The following TRPM3 variants were observed in gnomAD, a reference collection of about 807,000 sequenced individuals.
TRPM3 encodes the protein long transient receptor potential channel 3.
A neutral mutation model predicts 181.2 loss-of-function variants in TRPM3; 77 were observed. The observed-to-expected ratio is 0.42, with a 90% CI of 0.35 to 0.51. The LOEUF (loss-of-function observed/expected upper bound fraction) is 0.51. Among genes scored for constraint, TRPM3 ranks in the 20% least tolerant of loss-of-function variants. The pLI is 0.01. For synonymous variants in TRPM3, 745 were observed against 796.4 expected (o/e 0.94, Z 1.09); for missense variants, 1,759 against 2,196.7 (o/e 0.80, Z 3.98).
At chr9:70,604,964 C>CTGTTTTTTTT (rs2060752290) in intron 19 of TRPM3, among the ~76,000 whole-genome samples, 1 of 129,956 alleles carries the variant, frequency 7.7e-6, no homozygotes, top group Non-Finnish European at 1.6e-5. Context: ...ATGGATTCTT[C>CTGTTTTTTTT]TTTTTTTTTG....
Position 70,863,098 on chromosome 9 carries a change from C to A in TRPM3, c.272G>T (p.Arg91Leu), listed in dbSNP as rs768671503. 5 of 1,613,202 alleles carry A rather than the reference C, an allele frequency of 3.1e-6. No individual in the cohort carries two copies. The highest frequency in any genetic ancestry group is 1.1e-5 in the South Asian group (1 of 91,020). Residue 91 changes from arginine (R) to leucine (L), a missense_variant, in exon 3 of 26, where the codon CGT (arginine) becomes CTT (leucine). Physicochemically the swap from Arg to Leu is moderately radical, Grantham distance 102. This residue lies in a region of TRPM3 where 737 missense variants were observed against 957.4 expected (regional missense o/e 0.77). Transcript: ENST00000677713. Reference sequence around the variant, plus strand: ...GAGGCCAACATGCTGGCCTATCAGACGCCCACAGCAACACCTATAACAGAA... The same window carrying A: ...GAGGCCAACATGCTGGCCTATCAGAAGCCCACAGCAACACCTATAACAGAA... ...TKDPHRCCCGRLIGQHVGLTP... is the reference protein window; with the variant it reads ...TKDPHRCCCGLLIGQHVGLTP...
At position 70,620,322 on chromosome 9, in the gene TRPM3, C is replaced by T. The variant is rs145000157; in HGVS notation, c.1883G>A (p.Arg628His). 2.8e-5 allele frequency: 45 copies of T among 1,613,908 alleles called. No individual in the cohort carries two copies. The highest frequency in any genetic ancestry group is 5.3e-5 in the African/African-American group (4 of 74,934). The change falls in exon 16 of 26, where the codon CGT (arginine) becomes CAT (histidine). Residue 628 changes from arginine to histidine, a missense_variant. Transcript: ENST00000677713. Reference sequence around the variant, plus strand: ...CAAGTCAATGTCCACCTCTTCTTCACGTTTCTTGGTTGTCTTTCTTCCTCG... The same window carrying T: ...CAAGTCAATGTCCACCTCTTCTTCATGTTTCTTGGTTGTCTTTCTTCCTCG... ...LRRGRKTTKK[R>H]EEEVDIDLDD...
At chr9:70,751,810 G>T (rs2076174801) in intron 8 of TRPM3, among the ~76,000 whole-genome samples, 1 of 151,936 alleles carries the variant, frequency 6.6e-6, no homozygotes, top group Admixed American at 6.6e-5. Flanking sequence ...GAAGAAGAGG[G>T]GCACTACTTC....
chr9:70,610,370 C>CTGTT (rs200976542), intron 19 of TRPM3, among the ~76,000 whole-genome samples: 2,125 of 152,326 alleles, frequency 0.014, 28 homozygotes, highest in Non-Finnish European at 0.024. Flanking sequence ...ACCTCTATTA[C>CTGTT]TGTTAGTTCT....
At chr9:71,251,396 T>G (rs1322347553) in intron 1 of TRPM3, among the ~76,000 whole-genome samples, 1 of 152,200 alleles carries the variant, frequency 6.6e-6, no homozygotes, top group African/African-American at 2.4e-5. Flanking sequence ...GACTAAATGC[T>G]TATATCTTCT....
chr9:70,776,461 C>CT (rs2081381738), intron 7 of TRPM3: 2 of 709,026 alleles, frequency 2.8e-6, no homozygotes, highest in East Asian at 5.4e-5. Flanking sequence ...TTTTCTTTCT[C>CT]TTTTTAGATT....
chr9:71,307,095 G>T (rs1375304401), intron 1 of TRPM3, among the ~76,000 whole-genome samples: 1 of 151,974 alleles, frequency 6.6e-6, no homozygotes, highest in African/African-American at 2.4e-5. Context: ...ACATTCATTT[G>T]AATTCCTTCT....
rs146536929 is a variant in TRPM3, at chr9:70,957,266, C to T, written c.178-92755G>A. Among the ~76,000 whole-genome samples the T allele has an allele frequency of 1.3e-4, 20 of 152,152 alleles. No individual in the cohort carries two copies. The East Asian group carries it at 3.9e-3, about 29-fold the overall frequency. On this transcript the variant is annotated intron_variant, in intron 1 of 25. Coordinates refer to ENST00000677713, the MANE Select transcript of TRPM3 (RefSeq NM_001366145.2). ...GGCATGAGCCACTGCGCCTGGCCAA[C>T]ATTTTATTTTTAAAGGAAATACTTT...
rs958620802 is a variant in TRPM3, at chr9:71,440,409, G to T, written c.183+6244C>A. On this transcript the variant is annotated intron_variant, in intron 1 of 24. Transcript: ENST00000357533. ...AACTTGTCTCCCATTCACTGCACTG[G>T]TATCTATCCTCATGACTCATTTAAA... Among the ~76,000 whole-genome samples the T allele has an allele frequency of 2.6e-5, 4 of 152,080 alleles. No homozygotes were observed. In the South Asian group the frequency reaches 8.3e-4, roughly 32 times the overall value.
In TRPM3 at chr9:71,237,044, CA is replaced by C. The variant is rs33929941; in HGVS notation, c.183+209608del. Among the ~76,000 whole-genome samples the C allele has an allele frequency of 3.5e-3, 325 of 92,712 alleles. 1 individual carries two copies. Among genetic ancestry groups the C allele is most frequent in the Middle Eastern group, 0.024 (3 of 126 alleles). The allele number at this position is 92,712 out of a possible 152,430, so 60.8% of individuals were successfully genotyped here. ...CCTGGGCGATAGAGCAAGACTCCAT[CA>C]AAAAAAAAAAAAAAAGGGGGGGGGA... On this transcript the variant is annotated intron_variant, in intron 1 of 24. Transcript: ENST00000357533.
intron 1 of TRPM3, among the ~76,000 whole-genome samples, chr9:71,088,381 C>A (rs1331947568): frequency 6.6e-6 from 1 of 151,884 alleles, no homozygotes; most frequent in Non-Finnish European, 1.5e-5. Flanking sequence ...TACCTGGAAG[C>A]CTGAATTAGC....
intron 1 of TRPM3, among the ~76,000 whole-genome samples, chr9:71,055,593 T>C (rs754658322): frequency 4.6e-5 from 7 of 152,018 alleles, no homozygotes; most frequent in Non-Finnish European, 8.8e-5. Context: ...GCCTCAGCTC[T>C]CAGAATTCAA....
intron 1 of TRPM3, among the ~76,000 whole-genome samples, chr9:71,200,713 T>C (rs2131725958): frequency 6.6e-6 from 1 of 152,338 alleles, no homozygotes; most frequent in Non-Finnish European, 1.5e-5. Context: ...TTTGTTTGTT[T>C]TCCATTTGCT....
At chr9:71,020,253 G>T (rs978952010) in intron 1 of TRPM3, among the ~76,000 whole-genome samples, 1 of 151,946 alleles carries the variant, frequency 6.6e-6, no homozygotes, top group Non-Finnish European at 1.5e-5. Context: ...GATCACTTGA[G>T]CCCAGAAGTT....
At chr9:70,673,114 T>A (rs1033146048) in intron 9 of TRPM3, among the ~76,000 whole-genome samples, 2 of 152,086 alleles carry the variant, frequency 1.3e-5, no homozygotes, top group African/African-American at 4.8e-5. Context: ...ATCTTGAGTA[T>A]CTTTCACACT....
intron 3 of TRPM3, among the ~76,000 whole-genome samples, chr9:70,852,435 T>A (rs1177218121): frequency 6.6e-6 from 1 of 152,168 alleles, no homozygotes; most frequent in Non-Finnish European, 1.5e-5. Flanking sequence ...TAAATGGCTC[T>A]GTGTCTCTGT....
intron 1 of TRPM3, among the ~76,000 whole-genome samples, chr9:71,128,238 C>G (rs1352245746): frequency 6.6e-6 from 1 of 152,150 alleles, no homozygotes; most frequent in Non-Finnish European, 1.5e-5. Flanking sequence ...GGGTGTAAAA[C>G]TTTAATATAT....
At chr9:71,202,274 T>C (rs774070101) in intron 1 of TRPM3, among the ~76,000 whole-genome samples, 1 of 151,086 alleles carries the variant, frequency 6.6e-6, no homozygotes, top group Non-Finnish European at 1.5e-5. Flanking sequence ...TGCTCGGGGG[T>C]CAGGGGTCAG....
intron 1 of TRPM3, among the ~76,000 whole-genome samples, chr9:70,866,314 G>A (rs1316275903): frequency 6.6e-6 from 1 of 151,912 alleles, no homozygotes; most frequent in Non-Finnish European, 1.5e-5. Context: ...CTTTTGTGGG[G>A]GAGCATCTGG....
Sources: allele counts gnomAD v4.1 joint callset (sites outside exome capture counted in the v4.1 genomes callset), GRCh38; gene constraint gnomAD v4.1.1; regional missense constraint gnomAD v4.1.1; transcripts MANE v1.5; gene names NCBI Gene and HGNC (gene_info 2026-07-23, HGNC 2026-07-21).